Variants in ADAMTSL1 observed in about 807,000 individuals in gnomAD.
ADAMTSL1 encodes the protein ADAMTS like 1.
Under a neutral mutation model 201.8 loss-of-function variants are expected in ADAMTSL1, and 126 were observed. That is an observed-to-expected ratio of 0.62 (90% CI 0.54 to 0.72). ADAMTSL1 has a LOEUF of 0.72. Ranked by LOEUF, ADAMTSL1 falls within the 30% of genes least tolerant of loss-of-function variation. The pLI is 0.00. For missense variants in ADAMTSL1, 2,679 were observed against 2,277.8 expected (o/e 1.18, Z -3.59); for synonymous variants, 1,121 against 903.4 (o/e 1.24, Z -4.32).
intron 15 of ADAMTSL1, among the ~76,000 whole-genome samples, chr9:18,731,039 G>A (rs1433166889): frequency 6.6e-6 from 1 of 152,224 alleles, no homozygotes. Context: ...AGAGATGGCT[G>A]ATGGTCATCT....
chr9:18,476,343 T>G (rs929089570), intron 1 of ADAMTSL1, among the ~76,000 whole-genome samples: 2 of 152,150 alleles, frequency 1.3e-5, no homozygotes, highest in Non-Finnish European at 2.9e-5. Flanking sequence ...GGTCAAATAA[T>G]GGAGAGAATA....
At chr9:18,639,686 A>G (rs1037462616) in intron 7 of ADAMTSL1, among the ~76,000 whole-genome samples, 2 of 152,140 alleles carry the variant, frequency 1.3e-5, no homozygotes, top group African/African-American at 4.8e-5. Context: ...CCAATGTATC[A>G]TAAGTTGGTG....
At chr9:18,053,953 G>C (rs1822056069) in intron 1 of ADAMTSL1, among the ~76,000 whole-genome samples, 1 of 151,940 alleles carries the variant, frequency 6.6e-6, no homozygotes, top group African/African-American at 2.4e-5. Flanking sequence ...TCAACGTTTT[G>C]ATGGTGTTAA....
intron 1 of ADAMTSL1, among the ~76,000 whole-genome samples, chr9:18,026,857 A>G (rs529472699): frequency 6.6e-6 from 1 of 151,690 alleles, no homozygotes. Context: ...GGTTAGTAGG[A>G]TTTTTATTAC....
rs1831169258 is a variant in ADAMTSL1 at position 18,244,089 on chromosome 9, GT to G, written c.207+80109del. Among the ~76,000 whole-genome samples, 12 of 24,466 alleles carry G rather than the reference GT, an allele frequency of 4.9e-4. No individual in the cohort carries two copies. The South Asian group carries it at 0.017, about 34-fold the overall frequency. The allele number at this position is 24,466 out of a possible 152,430, so 16.1% of individuals were successfully genotyped here. A position where few individuals can be genotyped will look rare whatever the true frequency, so the allele number is the denominator to read the frequency against. On this transcript the variant is annotated intron_variant, in intron 2 of 29. Coordinates refer to the ADAMTSL1 transcript ENST00000680146. The stretch of plus-strand genomic sequence containing the variant: ...AAATGAAATAGAGAGAAATGATTTT[GT>G]GTGTGTGTGTGTGTGTGTGTACGTG...
intron 2 of ADAMTSL1, among the ~76,000 whole-genome samples, chr9:18,219,327 T>A (rs1313860840): frequency 6.7e-6 from 1 of 150,374 alleles, no homozygotes; most frequent in East Asian, 1.9e-4. Context: ...GAATCCAATA[T>A]ATATTTACAT....
intron 1 of ADAMTSL1, among the ~76,000 whole-genome samples, chr9:18,001,199 T>C (rs960439925): frequency 6.6e-6 from 1 of 151,654 alleles, no homozygotes; most frequent in African/African-American, 2.4e-5. Context: ...GAAAAAAAAA[T>C]TGATGAAAGT....
chr9:18,423,920 A>C (rs1359930005), intron 2 of ADAMTSL1, among the ~76,000 whole-genome samples: 1 of 152,252 alleles, frequency 6.6e-6, no homozygotes, highest in South Asian at 2.1e-4. Context: ...AAATATGTGC[A>C]TGAATGGCAC....
intron 2 of ADAMTSL1, among the ~76,000 whole-genome samples, chr9:18,426,925 A>G (rs1025040879): frequency 1.3e-5 from 2 of 152,200 alleles, no homozygotes; most frequent in African/African-American, 4.8e-5. Flanking sequence ...TCTGGCTAAG[A>G]TTACAAAAGG....
At chr9:18,507,663 GTTTATGTTGCA>G (rs1429239507) in intron 2 of ADAMTSL1, among the ~76,000 whole-genome samples, 1 of 152,018 alleles carries the variant, frequency 6.6e-6, no homozygotes, top group Non-Finnish European at 1.5e-5. Context: ...CAAGACTTTT[GTTTATGTTGCA>G]TTTTTCAAAA....
intron 5 of ADAMTSL1, among the ~76,000 whole-genome samples, chr9:18,628,857 C>T (rs547684613): frequency 6.6e-5 from 10 of 152,026 alleles, no homozygotes; most frequent in Non-Finnish European, 1.3e-4. Flanking sequence ...ATTATATTCT[C>T]TTTTTTAAAA....
At chr9:18,192,660 AC>A (rs1829015684) in intron 2 of ADAMTSL1, among the ~76,000 whole-genome samples, 1 of 152,162 alleles carries the variant, frequency 6.6e-6, no homozygotes, top group Non-Finnish European at 1.5e-5. Context: ...TTTTTGGATC[AC>A]CTAGCAAATA....
intron 1 of ADAMTSL1, among the ~76,000 whole-genome samples, chr9:18,052,082 A>T (rs1345373114): frequency 6.6e-6 from 1 of 152,232 alleles, no homozygotes; most frequent in Non-Finnish European, 1.5e-5. Flanking sequence ...GAACAGGCAG[A>T]GTGCAAGTGC....
At chr9:18,623,383 A>G (rs1361535474) in intron 5 of ADAMTSL1, among the ~76,000 whole-genome samples, 1 of 152,218 alleles carries the variant, frequency 6.6e-6, no homozygotes, top group Non-Finnish European at 1.5e-5. Flanking sequence ...AAGCTTAGCC[A>G]GATTATGGGA....
At chr9:18,216,181 T>G (rs1830049518) in intron 2 of ADAMTSL1, among the ~76,000 whole-genome samples, 1 of 152,208 alleles carries the variant, frequency 6.6e-6, no homozygotes. Context: ...ACTAGGCTTG[T>G]GCTAAGTGAA....
chr9:18,368,601 G>A (rs1361527487), intron 2 of ADAMTSL1, among the ~76,000 whole-genome samples: 1 of 152,188 alleles, frequency 6.6e-6, no homozygotes, highest in Non-Finnish European at 1.5e-5. Flanking sequence ...GTGTAGAATA[G>A]TCTGCCTCCA....
chr9:18,691,231 A>G (rs1465213477), intron 13 of ADAMTSL1, among the ~76,000 whole-genome samples: 1 of 152,238 alleles, frequency 6.6e-6, no homozygotes, highest in Non-Finnish European at 1.5e-5. Flanking sequence ...TACCTCTAAG[A>G]TAAAATATCA....
intron 1 of ADAMTSL1, among the ~76,000 whole-genome samples, chr9:18,023,445 G>A (rs1239949867): frequency 1.3e-5 from 2 of 152,122 alleles, no homozygotes; most frequent in Non-Finnish European, 2.9e-5. Context: ...AAAAAACCTT[G>A]TGATAAGTTA....
chr9:18,187,469 G>A (rs369121658), intron 2 of ADAMTSL1, among the ~76,000 whole-genome samples: 3 of 152,200 alleles, frequency 2.0e-5, no homozygotes, highest in African/African-American at 7.2e-5. Context: ...CCCAAATATA[G>A]TTAAGATCTT....
Sources: allele counts gnomAD v4.1 joint callset (sites outside exome capture counted in the v4.1 genomes callset), GRCh38; gene constraint gnomAD v4.1.1; transcripts MANE v1.5; gene names NCBI Gene and HGNC (gene_info 2026-07-23, HGNC 2026-07-21).